The following NUP155 variants were observed in gnomAD, a reference collection of about 807,000 sequenced individuals.
The protein encoded by NUP155 is nuclear pore complex protein Nup155.
In NUP155, 71 loss-of-function variants were observed where a neutral mutation model predicts 180.4. The ratio of observed to expected loss-of-function variants is 0.39; its 90% CI spans 0.33 to 0.48. The LOEUF (loss-of-function observed/expected upper bound fraction) is 0.48. Among genes scored for constraint, NUP155 ranks in the 20% least tolerant of loss-of-function variants. The pLI, the probability that NUP155 is intolerant of heterozygous loss-of-function variation, is 0.91. For missense variants in NUP155, 1,553 were observed against 1,648.9 expected (o/e 0.94, Z 1.01); for synonymous variants, 582 against 559.5 (o/e 1.04, Z -0.57).
At chr5:37,328,597 G>A (rs201274873) in intron 16 of NUP155, among the ~76,000 whole-genome samples, 177 bp from the exon 17 acceptor site, 139 of 152,166 alleles carry the variant, frequency 9.1e-4, no homozygotes, top group African/African-American at 3.1e-3. Context: ...TCTGTCTCCC[G>A]GGTTCAAGCG....
chr5:37,291,748 C>A lies in NUP155; in HGVS notation c.*152G>T. The A allele has an allele frequency of 1.7e-6, 1 of 603,068 alleles. No homozygotes were observed. The highest frequency in any genetic ancestry group is 2.8e-6 in the Non-Finnish European group (1 of 355,054). The allele number at this position is 603,068 out of a possible 1,614,324, so 37.4% of individuals were successfully genotyped here. The stretch of plus-strand genomic sequence containing the variant: ...TAGTCATAAAAAAGAATTCATTTAG[C>A]AAAGGTACTATTTGTAGATATTAGC... On this transcript the variant is annotated 3_prime_UTR_variant, in exon 35 of 35. Coordinates refer to ENST00000231498, the MANE Select transcript of NUP155 (RefSeq NM_153485.3).
At chr5:37,358,215 A>C (rs1746973481) in intron 3 of NUP155, 64 bp from the exon 4 acceptor site, 3 of 1,151,114 alleles carry the variant, frequency 2.6e-6, no homozygotes, top group Admixed American at 3.4e-5. Flanking sequence ...GTGGTGGCTC[A>C]TGTCTTTAAT....
At chr5:37,323,879 A>G in intron 20 of NUP155, 113 bp downstream of exon 20, 1 of 737,620 alleles carries the variant, frequency 1.4e-6, no homozygotes, top group Admixed American at 2.2e-5. Context: ...AGATACACTA[A>G]AAAATACTAA....
chr5:37,363,198 GT>G (rs1747333245), intron 3 of NUP155, among the ~76,000 whole-genome samples: 1 of 152,138 alleles, frequency 6.6e-6, no homozygotes, highest in African/African-American at 2.4e-5. Flanking sequence ...AGGCGTTTGA[GT>G]CAGCGTGCTC....
Position 37,305,047 on chromosome 5 carries a change from T to C in NUP155, c.3057+10A>G, listed in dbSNP as rs765978099. 8.7e-6 allele frequency: 14 copies of C among 1,612,770 alleles called. No homozygotes were observed. The African/African-American group carries it at 1.1e-4, about 12-fold the overall frequency. On this transcript the variant is annotated intron_variant, in intron 26 of 34. Coordinates refer to ENST00000231498, the MANE Select transcript of NUP155 (RefSeq NM_153485.3). ...GTATTCTCAGAATGAAAATATACTA[T>C]GTCCCTTACATGATGTCCTGCTTCT...
At chr5:37,304,676 C>T (rs1743054868) in intron 27 of NUP155, 63 bp downstream of exon 27, 2 of 1,167,302 alleles carry the variant, frequency 1.7e-6, no homozygotes, top group Non-Finnish European at 1.3e-6. Flanking sequence ...TATATATGTG[C>T]TTAAATCATT....
intron 12 of NUP155, among the ~76,000 whole-genome samples, chr5:37,334,608 T>A (rs189615982): frequency 5.9e-5 from 9 of 152,196 alleles, no homozygotes; most frequent in Admixed American, 5.9e-4. Context: ...CTCAAACTCC[T>A]GACCTCAGGT....
At chr5:37,298,284 A>G (rs1297818009) in intron 32 of NUP155, among the ~76,000 whole-genome samples, 1 of 151,958 alleles carries the variant, frequency 6.6e-6, no homozygotes, top group East Asian at 1.9e-4. Flanking sequence ...ATGTCTCTCA[A>G]TATTTTTAAA....
intron 32 of NUP155, among the ~76,000 whole-genome samples, chr5:37,296,552 A>AAGGC (rs1276283190): frequency 1.5e-5 from 2 of 136,544 alleles, no homozygotes; most frequent in Admixed American, 7.4e-5. Context: ...AACGCTGCGG[A>AAGGC]AGGCAGCCGC....
chr5:37,294,084 T>C (rs1742388911), intron 33 of NUP155, among the ~76,000 whole-genome samples: 1 of 151,506 alleles, frequency 6.6e-6, no homozygotes, highest in Admixed American at 6.6e-5. Context: ...TGGTTTAGCC[T>C]CTTTCACCAA....
intron 19 of NUP155, among the ~76,000 whole-genome samples, chr5:37,324,621 A>G (rs1382657258): frequency 6.6e-6 from 1 of 151,948 alleles, no homozygotes; most frequent in Non-Finnish European, 1.5e-5. Context: ...GGCGCGGATC[A>G]TATCTTACTG....
At chr5:37,296,295 G>A (rs372353478) in intron 32 of NUP155, among the ~76,000 whole-genome samples, 24 of 151,906 alleles carry the variant, frequency 1.6e-4, no homozygotes, top group African/African-American at 2.4e-4. Flanking sequence ...TATAGAAAGA[G>A]GTAGACATGG....
At chr5:37,311,516 C>T (rs535067524) in intron 22 of NUP155, among the ~76,000 whole-genome samples, 1 of 151,878 alleles carries the variant, frequency 6.6e-6, no homozygotes, top group Non-Finnish European at 1.5e-5. Context: ...TTAAAAGAAA[C>T]AAAACCACCA....
intron 21 of NUP155, among the ~76,000 whole-genome samples, chr5:37,317,643 C>T (rs1013551215): frequency 4.0e-5 from 6 of 150,190 alleles, no homozygotes; most frequent in Non-Finnish European, 8.9e-5. Context: ...GGGAAATATA[C>T]AATATCCATA....
chr5:37,360,674 T>C (rs893068059), intron 3 of NUP155, among the ~76,000 whole-genome samples: 1 of 150,650 alleles, frequency 6.6e-6, no homozygotes, highest in African/African-American at 2.5e-5. Flanking sequence ...TAATCCCAGT[T>C]ACTCGGGAGG....
intron 20 of NUP155, among the ~76,000 whole-genome samples, chr5:37,318,639 A>T (rs2150955909): frequency 6.6e-6 from 1 of 152,346 alleles, no homozygotes; most frequent in South Asian, 2.1e-4. Context: ...AAAATCAAAA[A>T]AAACGTGAAA....
rs1742312229 is a variant in NUP155 at position 37,292,924 on chromosome 5, A to C, written c.3992T>G (p.Leu1331Trp). The C allele has an allele frequency of 1.2e-6, 2 of 1,612,346 alleles. No individual in the cohort carries two copies. Among genetic ancestry groups the C allele is most frequent in the Non-Finnish European group, 1.7e-6 (2 of 1,178,840 alleles). ...LHLLDCIHVL[L>W]IRYVENPSQV... ...GCTGGGATTCTCAACATATCTTATC[A>C]ATAATACATGTATACAATCCAAAAG... Residue 1331 changes from leucine to tryptophan, a missense_variant, in exon 34 of 35, where the codon TTG (leucine) becomes TGG (tryptophan). By Grantham distance (61) the Leu-to-Trp change is moderately conservative. Coordinates refer to ENST00000231498, the MANE Select transcript of NUP155 (RefSeq NM_153485.3).
At position 37,342,613 on chromosome 5, in the gene NUP155, G is replaced by T. The variant is rs1396589601; in HGVS notation, c.1029C>A (p.Val343=). ...CAGAATTTTCAATCACTGCTATTTG[G>T]ACAATTGGTTTAAAAACAGAACGAT... ...TIDRSVFKPI[V]QIAVIENSES... The change falls in exon 10 of 35, where the codon GTC becomes GTA. Residue 343 remains valine (V), a synonymous_variant. Coordinates refer to ENST00000231498, the MANE Select transcript of NUP155 (RefSeq NM_153485.3). 6.2e-7 allele frequency: 1 copy of T among 1,612,720 alleles called. No homozygotes were observed. Among genetic ancestry groups the T allele is most frequent in the African/African-American group, 1.3e-5 (1 of 74,880 alleles).
intron 3 of NUP155, among the ~76,000 whole-genome samples, chr5:37,363,036 C>T (rs556588235): frequency 1.3e-5 from 2 of 152,156 alleles, no homozygotes; most frequent in South Asian, 2.1e-4. Flanking sequence ...CCTCAGCTCC[C>T]GAGTGGCTGG....
Sources: allele counts gnomAD v4.1 joint callset (sites outside exome capture counted in the v4.1 genomes callset), GRCh38; gene constraint gnomAD v4.1.1; transcripts MANE v1.5; gene names NCBI Gene and HGNC (gene_info 2026-07-23, HGNC 2026-07-21).